Variants in CSTA observed in about 807,000 individuals in gnomAD.
CSTA encodes the protein cystatin-A.
Under a neutral mutation model 9.2 loss-of-function variants are expected in CSTA, and 9 were observed. That is an observed-to-expected ratio of 0.97 (90% CI 0.59 to 1.70). The LOEUF (loss-of-function observed/expected upper bound fraction) is 1.70, where lower values mean the gene tolerates loss of function less well. Among genes scored for constraint, CSTA ranks in the 40% most tolerant of loss-of-function variants. The probability of loss-of-function intolerance (pLI) is 0.00; values close to 1 mark genes in which losing one functional copy is unlikely to be tolerated. For missense variants in CSTA, 118 were observed against 113.1 expected (o/e 1.04, Z -0.20); for synonymous variants, 36 against 40.6 (o/e 0.89, Z 0.43).
chr3:122,333,499 A>G (rs113987863), intron 1 of CSTA, among the ~76,000 whole-genome samples: 4 of 149,666 alleles, frequency 2.7e-5, no homozygotes, highest in African/African-American at 9.8e-5. Context: ...TGACAGAGCA[A>G]GACTCCATGA....
chr3:122,336,218 G>A (rs186122497), intron 1 of CSTA, among the ~76,000 whole-genome samples: 1 of 152,262 alleles, frequency 6.6e-6, no homozygotes, highest in East Asian at 1.9e-4. Context: ...AAAAGGAGCA[G>A]GGACTCCTTG....
At chr3:122,327,333 T>C (rs1438128161) in intron 1 of CSTA, among the ~76,000 whole-genome samples, 1 of 151,020 alleles carries the variant, frequency 6.6e-6, no homozygotes, top group Non-Finnish European at 1.5e-5. Context: ...ATCAAGACCA[T>C]CCTGGCTAAC....
intron 1 of CSTA, among the ~76,000 whole-genome samples, chr3:122,334,095 T>C (rs1270998070): frequency 6.6e-6 from 1 of 152,240 alleles, no homozygotes; most frequent in Non-Finnish European, 1.5e-5. Flanking sequence ...TACTTCTCTG[T>C]GCATCCTTTC....
intron 1 of CSTA, among the ~76,000 whole-genome samples, chr3:122,337,295 C>CA (rs1444837084): frequency 1.3e-5 from 2 of 152,242 alleles, no homozygotes; most frequent in Non-Finnish European, 1.5e-5. Flanking sequence ...AGAGTTTTAG[C>CA]AGTCAAAACG....
chr3:122,336,052 A>G (rs1220856552), intron 1 of CSTA, among the ~76,000 whole-genome samples: 3 of 152,204 alleles, frequency 2.0e-5, no homozygotes, highest in Non-Finnish European at 4.4e-5. Context: ...ATGTGTGTAT[A>G]TATGCACACA....
At chr3:122,326,089 G>T (rs2075169489) in intron 1 of CSTA, among the ~76,000 whole-genome samples, 1 of 152,082 alleles carries the variant, frequency 6.6e-6, no homozygotes, top group South Asian at 2.1e-4. Context: ...TCTGATCACG[G>T]CTCACTGTAG....
intron 1 of CSTA, among the ~76,000 whole-genome samples, chr3:122,336,264 C>T (rs1013127572): frequency 2.0e-5 from 3 of 152,110 alleles, no homozygotes; most frequent in African/African-American, 2.4e-5. Flanking sequence ...GGCAAGGAAA[C>T]TTCAAGATAA....
chr3:122,329,120 C>G (rs1017972544), intron 1 of CSTA, among the ~76,000 whole-genome samples: 1 of 151,416 alleles, frequency 6.6e-6, no homozygotes, highest in African/African-American at 2.4e-5. Flanking sequence ...CGCCCGCCAC[C>G]ATGCCTGGCT....
chr3:122,337,695 T>G, intron 2 of CSTA, 47 bp downstream of exon 2: 1 of 1,210,246 alleles, frequency 8.3e-7, no homozygotes, highest in Non-Finnish European at 1.2e-6. Context: ...TATTTCTCAT[T>G]TTATGTAAAA....
chr3:122,335,632 A>T (rs2075232389), intron 1 of CSTA, among the ~76,000 whole-genome samples: 1 of 151,612 alleles, frequency 6.6e-6, no homozygotes, highest in African/African-American at 2.4e-5. Context: ...TTATTTATTT[A>T]TTTATTTATG....
intron 1 of CSTA, among the ~76,000 whole-genome samples, chr3:122,336,606 G>T (rs951461875): frequency 1.3e-5 from 2 of 152,120 alleles, no homozygotes; most frequent in Non-Finnish European, 2.9e-5. Flanking sequence ...ATTGTTGTAG[G>T]CAAGAACCAT....
chr3:122,328,460 A>G (rs185486062), intron 1 of CSTA, among the ~76,000 whole-genome samples: 4 of 136,274 alleles, frequency 2.9e-5, no homozygotes, highest in Non-Finnish European at 6.1e-5. Flanking sequence ...AGATCATGAC[A>G]TTGCACTCCA....
At chr3:122,341,304 G>C in intron 2 of CSTA, 135 bp from the exon 3 acceptor site, 1 of 857,250 alleles carries the variant, frequency 1.2e-6, no homozygotes, top group Non-Finnish European at 1.9e-6. Flanking sequence ...TCTAAGAATG[G>C]TGGACTAGGT....
At chr3:122,329,085 C>A (rs1307130110) in intron 1 of CSTA, among the ~76,000 whole-genome samples, 1 of 151,396 alleles carries the variant, frequency 6.6e-6, no homozygotes, top group Non-Finnish European at 1.5e-5. Flanking sequence ...CCTGCCTCAG[C>A]CCCCCGAGTA....
intron 1 of CSTA, among the ~76,000 whole-genome samples, chr3:122,328,888 C>A (rs62269140): frequency 0.75 from 113,500 of 150,952 alleles, 44,321 homozygotes; most frequent in Middle Eastern, 0.87. Flanking sequence ...TTGGAGTGAG[C>A]CGAGACTGTG....
At chr3:122,332,934 TCTGCCCCTTTCC>T (rs1308379335) in intron 1 of CSTA, among the ~76,000 whole-genome samples, 2 of 152,190 alleles carry the variant, frequency 1.3e-5, no homozygotes, top group African/African-American at 4.8e-5. Flanking sequence ...GCTCCCCTAC[TCTGCCCCTTTCC>T]CTGCTCCTCA....
chr3:122,325,342 A>G lies in CSTA; in HGVS notation c.50A>G (p.Gln17Arg), dbSNP rs754155330. Residue 17 changes from glutamine to arginine, a missense_variant, in exon 1 of 3, where the codon CAG (glutamine) becomes CGG (arginine). Transcript: ENST00000264474. ...GCCAAACCCGCCACTCCAGAAATCC[A>G]GGAGATTGTTGATAAGGTGAGTTGA... is the stretch of plus-strand genomic sequence containing the variant. ...SEAKPATPEI[Q>R]EIVDKVKPQL... is the part of the protein sequence containing the mutation. The G allele has an allele frequency of 2.8e-5, 45 of 1,614,052 alleles. No individual in the cohort carries two copies. Among genetic ancestry groups the G allele is most frequent in the African/African-American group, 5.3e-5 (4 of 74,938 alleles).
chr3:122,335,979 AC>A (rs1559982243), intron 1 of CSTA, among the ~76,000 whole-genome samples: 2 of 151,796 alleles, frequency 1.3e-5, no homozygotes, highest in Non-Finnish European at 2.9e-5. Context: ...ACACACACAC[AC>A]ACACACACAC....
chr3:122,341,128 A>G (rs1225136825), intron 2 of CSTA, among the ~76,000 whole-genome samples: 3 of 152,040 alleles, frequency 2.0e-5, no homozygotes, highest in Admixed American at 6.6e-5. Flanking sequence ...TTTTTAGTAG[A>G]GACGGGATTT....
Sources: allele counts gnomAD v4.1 joint callset (sites outside exome capture counted in the v4.1 genomes callset), GRCh38; gene constraint gnomAD v4.1.1; transcripts MANE v1.5; gene names NCBI Gene and HGNC (gene_info 2026-07-23, HGNC 2026-07-21).